KMT2B: variants seen among roughly 807,000 people sequenced by gnomAD.
KMT2B encodes the protein histone-lysine N-methyltransferase 2B.
A neutral mutation model predicts 255.3 loss-of-function variants in KMT2B; 22 were observed. The observed-to-expected ratio is 0.09, with a 90% CI of 0.06 to 0.12. The LOEUF (loss-of-function observed/expected upper bound fraction) is 0.12. KMT2B is among the 10% of genes least tolerant of loss of function. The probability of loss-of-function intolerance (pLI) is 1.00; values close to 1 mark genes in which losing one functional copy is unlikely to be tolerated. For synonymous variants in KMT2B, 1,730 were observed against 1,498.1 expected, an observed-to-expected ratio of 1.15 and a Z score of -3.57; for missense variants, 3,149 against 3,737.0, an observed-to-expected ratio of 0.84 and a Z score of 4.10.
intron 30 of KMT2B, among the ~76,000 whole-genome samples, chr19:35,734,393 C>T (rs906549511): frequency 6.6e-6 from 1 of 152,070 alleles, no homozygotes; most frequent in Non-Finnish European, 1.5e-5. Flanking sequence ...GTGTCCAAGT[C>T]CAGAATTGAG....
Position 35,737,795 on chromosome 19 carries a change from G to A in KMT2B, c.7658+52G>A. 1 of 1,547,284 alleles carries A rather than the reference G, an allele frequency of 6.5e-7. No individual in the cohort carries two copies. Among genetic ancestry groups the A allele is most frequent in the Non-Finnish European group, 8.8e-7 (1 of 1,142,446 alleles). ...TGGTGGTCTGGAAGGGTCTTAGAGA[G>A]TGAGCAGGGGTGAGAGAGGTCATTC... On this transcript the variant is annotated intron_variant, in intron 34 of 36. Coordinates refer to ENST00000420124, the MANE Select transcript of KMT2B (RefSeq NM_014727.3). This position sits in a 1 kb window ranked among gnomAD's most constrained non-coding sequence, Gnocchi z 5.3.
rs1445599767 is a variant in KMT2B at position 35,732,245 on chromosome 19, C to T, written c.5696C>T (p.Pro1899Leu). 6.2e-7 allele frequency: 1 copy of T among 1,604,862 alleles called. No individual in the cohort carries two copies. The highest frequency in any genetic ancestry group is 8.5e-7 in the Non-Finnish European group (1 of 1,174,730). The change falls in exon 28 of 37, where the codon CCC becomes CTC. Residue 1899 changes from proline (P) to leucine (L), a missense_variant. By Grantham distance (98) the Pro-to-Leu change is moderately conservative (BLOSUM62 -3). Around this residue, in one of 18 missense-constraint regions of KMT2B, gnomAD observed 897 missense variants for 825.3 expected, o/e 1.09. Coordinates refer to ENST00000420124, the MANE Select transcript of KMT2B (RefSeq NM_014727.3). ...CCATCTTCACTGACCCACCACATCC[C>T]CACAGTGGGAGACCCGGACTTCCCA... is the stretch of plus-strand genomic sequence containing the variant. ...GSPSSLTHHIPTVGDPDFPAP... is the reference protein window; with the variant it reads ...GSPSSLTHHILTVGDPDFPAP...
Position 35,725,369 on chromosome 19 carries a change from C to G in KMT2B, c.3642+36C>G, listed in dbSNP as rs1372389100. 1.3e-6 allele frequency: 2 copies of G among 1,559,808 alleles called. No individual in the cohort carries two copies. The highest frequency in any genetic ancestry group is 1.2e-5 in the South Asian group (1 of 83,898). ...TGCCTTTCTTCACAGACCCCCAGCTCTCTGTCGGTCCTCACGGCCTGATTC... is the reference window on the plus strand; with the variant it reads ...TGCCTTTCTTCACAGACCCCCAGCTGTCTGTCGGTCCTCACGGCCTGATTC... On this transcript the variant is annotated intron_variant, in intron 11 of 36. Coordinates refer to ENST00000420124, the MANE Select transcript of KMT2B (RefSeq NM_014727.3). The surrounding 1 kb of genome is among the most constrained non-coding windows in gnomAD (Gnocchi z 4.1).
Position 35,725,927 on chromosome 19 carries a change from T to G in KMT2B, c.3885+109T>G, listed in dbSNP as rs1969420966. 1.1e-6 allele frequency: 1 copy of G among 894,242 alleles called. No homozygotes were observed. The highest frequency in any genetic ancestry group is 2.3e-5 in the Admixed American group (1 of 43,432). The allele number at this position is 894,242 out of a possible 1,614,324, so 55.4% of individuals were successfully genotyped here. On this transcript the variant is annotated intron_variant, in intron 13 of 36. Transcript: ENST00000420124. This position sits in a 1 kb window ranked among gnomAD's most constrained non-coding sequence, Gnocchi z 4.1. The stretch of plus-strand genomic sequence containing the variant: ...GGAGGAGCAGAGGTTGGGGATCCTC[T>G]TAAGAATTGATTAGTAATGTTTCCT...
rs566962355 is a variant in KMT2B, at chr19:35,729,311, G to T, written c.4917+15G>T. On this transcript the variant is annotated intron_variant, in intron 22 of 36. Coordinates refer to ENST00000420124, the MANE Select transcript of KMT2B (RefSeq NM_014727.3). ...GGAGGCAGATGGTGAGGGCGCGGGC[G>T]CAGAGAGGTGGACAGCTCTCTGGCT... is the stretch of plus-strand genomic sequence containing the variant. 2 of 1,582,646 alleles carry T rather than the reference G, an allele frequency of 1.3e-6. No individual in the cohort carries two copies. The highest frequency in any genetic ancestry group is 2.3e-5 in the East Asian group (1 of 43,406).
intron 23 of KMT2B, 70 bp downstream of exon 23, chr19:35,730,195 G>T: frequency 1.2e-6 from 2 of 1,604,756 alleles, no homozygotes; most frequent in Non-Finnish European, 1.7e-6. Flanking sequence ...GACCCCCGTG[G>T]CCCCCAGGCC....
chr19:35,728,603 T>C (rs1448899898), intron 19 of KMT2B, among the ~76,000 whole-genome samples, 171 bp from the exon 20 acceptor site: 1 of 152,048 alleles, frequency 6.6e-6, no homozygotes, highest in Non-Finnish European at 1.5e-5. Context: ...GGAGCAGCAT[T>C]TCGTATGTCC....
chr19:35,721,418 C>A lies in KMT2B; in HGVS notation c.2071C>A (p.Pro691Thr), dbSNP rs746586394. Residue 691 changes from proline to threonine, a missense_variant, in exon 3 of 37, where the codon CCT becomes ACT. Coordinates refer to ENST00000420124, the MANE Select transcript of KMT2B (RefSeq NM_014727.3). ...PPPADDSPAE[P>T]EPRAVGRTNH... Reference sequence around the variant, plus strand: ...TCCTGCCGATGACTCTCCAGCTGAGCCTGAGCCTCGGGCAGTGGGCCGCAC... The same window carrying A: ...TCCTGCCGATGACTCTCCAGCTGAGACTGAGCCTCGGGCAGTGGGCCGCAC... 1 of 1,611,562 alleles carries A rather than the reference C, an allele frequency of 6.2e-7. No homozygotes were observed.
chr19:35,738,125 C>T lies in KMT2B; in HGVS notation c.7806C>T (p.Ile2602=), dbSNP rs370357042. The T allele has an allele frequency of 5.0e-6, 8 of 1,613,698 alleles. No homozygotes were observed. Among genetic ancestry groups the T allele is most frequent in the African/African-American group, 1.3e-5 (1 of 74,846 alleles). The change falls in exon 36 of 37, where the codon ATC becomes ATT. Residue 2602 remains isoleucine, a synonymous_variant. Coordinates refer to ENST00000420124, the MANE Select transcript of KMT2B (RefSeq NM_014727.3). The surrounding 1 kb of genome is among the most constrained non-coding windows in gnomAD (Gnocchi z 8.7). ...KRNIDAGEMV[I]EYSGIVIRSV... ...ACATCGACGCGGGGGAGATGGTCAT[C>T]GAGTACTCTGGCATTGTCATCCGCT... is the stretch of plus-strand genomic sequence containing the variant.
rs1446658032 is a variant in KMT2B, at chr19:35,732,912, A to G, written c.6363A>G (p.Leu2121=). The G allele has an allele frequency of 1.2e-6, 2 of 1,609,492 alleles. No homozygotes were observed. Among genetic ancestry groups the G allele is most frequent in the Non-Finnish European group, 1.7e-6 (2 of 1,178,506 alleles). ...TTGTGGATTTTGTGTTGAAGAACCT[A>G]GGGGGTCCTGGGGATGGAGGTGCTG... ...SEIVDFVLKN[L]GGPGDGGAGP... The change falls in exon 28 of 37, where the codon CTA becomes CTG. Residue 2121 remains leucine (L), a synonymous_variant. Coordinates refer to ENST00000420124, the MANE Select transcript of KMT2B (RefSeq NM_014727.3).
In KMT2B at chr19:35,722,432, C is replaced by T. The variant is rs1276973211; in HGVS notation, c.2531C>T (p.Ser844Phe). The change falls in exon 4 of 37, where the codon TCT (serine) becomes TTT (phenylalanine). Residue 844 changes from serine to phenylalanine, a missense_variant. Transcript: ENST00000420124. ...ATCTCCGACAGAGGCCCTGTCCGGT[C>T]TGAAGATGAGTCGGTGGAAGCTAAG... ...KQISDRGPVR[S>F]EDESVEAKRE... 2 of 1,610,362 alleles carry T rather than the reference C, an allele frequency of 1.2e-6. No individual in the cohort carries two copies. The highest frequency in any genetic ancestry group is 1.7e-5 in the Admixed American group (1 of 59,980).
chr19:35,733,256 C>G lies in KMT2B; in HGVS notation c.6707C>G (p.Pro2236Arg). The G allele has an allele frequency of 6.7e-7, 1 of 1,489,214 alleles. No individual in the cohort carries two copies. The highest frequency in any genetic ancestry group is 9.1e-7 in the Non-Finnish European group (1 of 1,094,010). 92.3% of individuals were successfully genotyped at this position (1,489,214 alleles called of 1,614,324 possible). Residue 2236 changes from proline (P) to arginine (R), a missense_variant, in exon 28 of 37, where the codon CCA (proline) becomes CGA (arginine). By Grantham distance (103) the Pro-to-Arg change is moderately radical. Transcript: ENST00000420124. The surrounding 1 kb of genome is among the most constrained non-coding windows in gnomAD (Gnocchi z 4.3). The part of the protein sequence containing the change: ...PTAPTSWTLP[P>R]GPLLGVLPVV... The stretch of plus-strand genomic sequence containing the variant: ...GCTCCCACCTCCTGGACTCTGCCCC[C>G]AGGCCCCCTCCTCGGCGTGCTGCCC...
At chr19:35,724,961 T>C (rs376329412) in intron 9 of KMT2B, 28 bp from the exon 10 acceptor site, 2 of 1,513,870 alleles carry the variant, frequency 1.3e-6, no homozygotes, top group Non-Finnish European at 1.8e-6. Context: ...GGCTGGCAGC[T>C]CTGAATTCCC....
intron 22 of KMT2B, 131 bp downstream of exon 22, chr19:35,729,427 C>T: frequency 2.3e-6 from 3 of 1,283,742 alleles, no homozygotes; most frequent in South Asian, 2.9e-5. Context: ...TCTTGGTTGC[C>T]CTGGGACGTT....
In KMT2B at chr19:35,725,676, A is replaced by G; in HGVS notation, c.3790-47A>G. 1 of 1,612,968 alleles carries G rather than the reference A, an allele frequency of 6.2e-7. No homozygotes were observed. The highest frequency in any genetic ancestry group is 8.5e-7 in the Non-Finnish European group (1 of 1,179,442). The stretch of plus-strand genomic sequence containing the variant: ...TGGGTGGAGGCCTGAAGGTGAGGGC[A>G]TCCCTGTGCCAGCAGGTTTCGCCAT... On this transcript the variant is annotated intron_variant, in intron 12 of 36. Transcript: ENST00000420124. The surrounding 1 kb of genome is among the most constrained non-coding windows in gnomAD (Gnocchi z 4.1).
In KMT2B at chr19:35,719,806, T is replaced by A. The variant is rs186326571; in HGVS notation, c.459T>A (p.Gly153=). Residue 153 remains glycine (G), a synonymous_variant, in exon 3 of 37, where the codon GGT becomes GGA. Coordinates refer to ENST00000420124, the MANE Select transcript of KMT2B (RefSeq NM_014727.3). ...SQRGRAPRGR[G]RKHKTTPLPP... ...TAGGTCGAGCGCCCCGAGGTCGGGG[T>A]CGCAAGCATAAGACGACCCCCCTTC... is the stretch of plus-strand genomic sequence containing the variant. 13 of 1,602,662 alleles carry A rather than the reference T, an allele frequency of 8.1e-6. No homozygotes were observed. The Admixed American group carries it at 1.9e-4, about 23-fold the overall frequency.
In KMT2B at chr19:35,737,024, G is replaced by A. The variant is rs377303080; in HGVS notation, c.7372+38G>A. 23 of 1,610,224 alleles carry A rather than the reference G, an allele frequency of 1.4e-5. No individual in the cohort carries two copies. The African/African-American group carries it at 2.8e-4, about 20-fold the overall frequency. On this transcript the variant is annotated intron_variant, in intron 32 of 36. Coordinates refer to ENST00000420124, the MANE Select transcript of KMT2B (RefSeq NM_014727.3). This position sits in a 1 kb window ranked among gnomAD's most constrained non-coding sequence, Gnocchi z 5.3. ...CCCCACAGGGGGCAGGGAGCTGGAT[G>A]TCTCCCCGAGGGCACCATGGGCCCT...
chr19:35,729,226 C>A lies in KMT2B; in HGVS notation c.4847C>A (p.Ala1616Glu). The change falls in exon 22 of 37, where the codon GCG becomes GAG. Residue 1616 changes from alanine to glutamate, a missense_variant. By Grantham distance (107) the Ala-to-Glu change is moderately radical. Around this residue, in one of 18 missense-constraint regions of KMT2B, gnomAD observed 11 missense variants for 47.6 expected, o/e 0.23. Coordinates refer to ENST00000420124, the MANE Select transcript of KMT2B (RefSeq NM_014727.3). ...CACGTCAACTGTGCCATCTGGTCGG[C>A]GGAAGTCTTCGAGGAGAACGACGGC... is the stretch of plus-strand genomic sequence containing the variant. Reference protein sequence around the residue: ...WTHVNCAIWSAEVFEENDGSL... With the variant: ...WTHVNCAIWSEEVFEENDGSL... 6.2e-7 allele frequency: 1 copy of A among 1,609,482 alleles called. No homozygotes were observed. Among genetic ancestry groups the A allele is most frequent in the East Asian group, 2.2e-5 (1 of 44,684 alleles).
chr19:35,728,784 C>G lies in KMT2B; in HGVS notation c.4582C>G (p.Pro1528Ala). 1 of 1,613,830 alleles carries G rather than the reference C, an allele frequency of 6.2e-7. No homozygotes were observed. ...RSTRLPNGVL[P>A]NAVLPPSLDH... ...CCTGCCTGTCCACAGCGGAGTCCTT[C>G]CCAATGCGGTGTTGCCCCCATCCCT... Residue 1528 changes from proline (P) to alanine (A), a missense_variant, in exon 20 of 37, where the codon CCC becomes GCC. Coordinates refer to ENST00000420124, the MANE Select transcript of KMT2B (RefSeq NM_014727.3).
Sources: gnomAD v4.1 joint callset for allele counts (sites outside exome capture counted in the v4.1 genomes callset) on GRCh38, gnomAD v4.1.1 for gene constraint, gnomAD v4.1.1 regional missense constraint, Gnocchi (gnomAD v3.1) non-coding constraint, MANE v1.5 for transcripts, NCBI Gene and HGNC (gene_info 2026-07-23, HGNC 2026-07-21) for gene names.